The following PTPRG variants were observed in gnomAD, a reference collection of about 807,000 sequenced individuals.
PTPRG encodes the protein protein tyrosine phosphatase receptor type G.
A neutral mutation model predicts 165.3 loss-of-function variants in PTPRG; 102 were observed. That is an observed-to-expected ratio of 0.62 (90% CI 0.53 to 0.73). The LOEUF (loss-of-function observed/expected upper bound fraction) is 0.73. Ranked by LOEUF, PTPRG falls within the 30% of genes least tolerant of loss-of-function variation. PTPRG has a pLI of 0.00. For missense variants in PTPRG, 1,866 were observed against 1,861.4 expected, an observed-to-expected ratio of 1.00 and a Z score of -0.05; for synonymous variants, 675 against 669.5, an observed-to-expected ratio of 1.01 and a Z score of -0.13.
At chr3:61,959,722 A>G (rs1007513902) in intron 2 of PTPRG, among the ~76,000 whole-genome samples, 5 of 152,144 alleles carry the variant, frequency 3.3e-5, no homozygotes, top group Non-Finnish European at 1.5e-5. Flanking sequence ...TCTTTTCAAA[A>G]TTTCTTATGT....
chr3:61,593,723 AG>A (rs1163104302), intron 1 of PTPRG, among the ~76,000 whole-genome samples: 12 of 9,632 alleles, frequency 1.2e-3, no homozygotes, highest in African/African-American at 1.9e-3. Context: ...AAAAAAAAAA[AG>A]AAGAAAAAGC....
At chr3:61,921,308 G>C (rs2039073211) in intron 2 of PTPRG, among the ~76,000 whole-genome samples, 1 of 152,128 alleles carries the variant, frequency 6.6e-6, no homozygotes, top group Admixed American at 6.5e-5. Context: ...AAAATGATGA[G>C]AGAATGAGAA....
intron 5 of PTPRG, among the ~76,000 whole-genome samples, chr3:62,100,051 C>T (rs1702238847): frequency 6.6e-6 from 1 of 151,918 alleles, no homozygotes; most frequent in South Asian, 2.1e-4. Flanking sequence ...CCCACCTTGG[C>T]CTCCCAAAGT....
At chr3:62,046,498 T>C (rs1700297343) in intron 4 of PTPRG, among the ~76,000 whole-genome samples, 1 of 152,186 alleles carries the variant, frequency 6.6e-6, no homozygotes, top group Admixed American at 6.5e-5. Flanking sequence ...ATAGAATTTT[T>C]TCCCAAGTCT....
chr3:62,054,612 A>G (rs1700571916), intron 4 of PTPRG, among the ~76,000 whole-genome samples: 1 of 152,196 alleles, frequency 6.6e-6, no homozygotes, highest in African/African-American at 2.4e-5. Context: ...GCAAGTTAGC[A>G]ATAGAGGTTG....
At chr3:61,717,087 C>T (rs1215601899) in intron 1 of PTPRG, among the ~76,000 whole-genome samples, 1 of 152,144 alleles carries the variant, frequency 6.6e-6, no homozygotes, top group Non-Finnish European at 1.5e-5. Flanking sequence ...TATTGATGCT[C>T]TTGTTTAATT....
intron 2 of PTPRG, among the ~76,000 whole-genome samples, chr3:61,800,371 T>C (rs559469815): frequency 2.6e-5 from 4 of 152,022 alleles, no homozygotes; most frequent in South Asian, 2.1e-4. Context: ...CCCTGAGCAC[T>C]AGTAGAGGAT....
intron 2 of PTPRG, among the ~76,000 whole-genome samples, chr3:61,760,914 A>C (rs187648998): frequency 4.6e-5 from 7 of 152,284 alleles, no homozygotes; most frequent in Non-Finnish European, 1.0e-4. Flanking sequence ...CATCCCTGCA[A>C]AGGATGTGAA....
chr3:62,078,788 T>C (rs1213477698), intron 5 of PTPRG, among the ~76,000 whole-genome samples: 1 of 152,212 alleles, frequency 6.6e-6, no homozygotes, highest in African/African-American at 2.4e-5. Flanking sequence ...ATTGTGTTGA[T>C]GAATGCTCAT....
At chr3:61,886,456 C>T (rs757695699) in intron 2 of PTPRG, among the ~76,000 whole-genome samples, 1 of 152,082 alleles carries the variant, frequency 6.6e-6, no homozygotes, top group South Asian at 2.1e-4. Flanking sequence ...ATGGGGAAAT[C>T]GTTGCACTGA....
chr3:62,255,005 C>A lies in PTPRG; in HGVS notation c.2468-119C>A. Reference sequence around the variant, plus strand: ...TTCAGGACATCTATTTTGTGTGATACAATTATTTTGCTCTTTGCAAAAATC... The same window carrying A: ...TTCAGGACATCTATTTTGTGTGATAAAATTATTTTGCTCTTTGCAAAAATC... On this transcript the variant is annotated intron_variant, in intron 15 of 29. Transcript: ENST00000474889. This position sits in a 1 kb window ranked among gnomAD's most constrained non-coding sequence, Gnocchi z 4.0. 1.3e-6 allele frequency: 1 copy of A among 748,414 alleles called. No individual in the cohort carries two copies. The allele number at this position is 748,414 out of a possible 1,614,324, so 46.4% of individuals were successfully genotyped here.
At chr3:61,787,251 A>G (rs2034733819) in intron 2 of PTPRG, among the ~76,000 whole-genome samples, 1 of 152,224 alleles carries the variant, frequency 6.6e-6, no homozygotes, top group African/African-American at 2.4e-5. Context: ...ATGGCCTTTT[A>G]ATGTTCGTTT....
rs17066334 is a variant in PTPRG at position 62,292,588 on chromosome 3, C to T, written c.4191+32C>T. 6.3e-3 allele frequency: 10,166 copies of T among 1,604,148 alleles called. 298 individuals carry two copies. In the East Asian group the frequency reaches 0.078, roughly 12 times the overall value. On this transcript the variant is annotated intron_variant, in intron 29 of 29. Transcript: ENST00000474889. ...AGTTTGCTTATGTGTAAAACCTGTA[C>T]TACATCAGTTGAAACTCAGACTCAC...
rs372160739 is a variant in PTPRG at position 61,570,098 on chromosome 3, C to G, written c.85+7726C>G. On this transcript the variant is annotated intron_variant, in intron 1 of 29. Transcript: ENST00000474889. ...ATTACTGGGATTCAATTTGGCTCCACTGATGGGAAGCAAACAGTAGTTGGG... is the reference window on the plus strand; with the variant it reads ...ATTACTGGGATTCAATTTGGCTCCAGTGATGGGAAGCAAACAGTAGTTGGG... Among the ~76,000 whole-genome samples, 14 of 152,296 alleles carry G rather than the reference C, an allele frequency of 9.2e-5. 1 individual carries two copies. Among genetic ancestry groups the G allele is most frequent in the African/African-American group, 1.9e-4 (8 of 41,578 alleles).
At chr3:61,987,866 A>C (rs758158296) in intron 2 of PTPRG, among the ~76,000 whole-genome samples, 1 of 151,986 alleles carries the variant, frequency 6.6e-6, no homozygotes. Flanking sequence ...TTTTTCTCCA[A>C]ATATGTAGAT....
At chr3:62,018,758 G>A (rs1398344346) in intron 4 of PTPRG, among the ~76,000 whole-genome samples, 1 of 152,186 alleles carries the variant, frequency 6.6e-6, no homozygotes, top group African/African-American at 2.4e-5. Context: ...AATGTGGGCA[G>A]GTCTACATGA....
At chr3:61,777,253 C>T (rs534507100) in intron 2 of PTPRG, among the ~76,000 whole-genome samples, 1 of 152,198 alleles carries the variant, frequency 6.6e-6, no homozygotes. Context: ...ACAGCAGCTA[C>T]TTGCCACATG....
intron 2 of PTPRG, among the ~76,000 whole-genome samples, chr3:61,755,376 C>T (rs139200152): frequency 1.6e-4 from 24 of 152,294 alleles, no homozygotes; most frequent in East Asian, 1.5e-3. Context: ...AGTCTTCCTC[C>T]ATGTCTCAGC....
chr3:62,156,419 T>C (rs1704539431), intron 6 of PTPRG, among the ~76,000 whole-genome samples: 1 of 152,204 alleles, frequency 6.6e-6, no homozygotes, highest in African/African-American at 2.4e-5. Context: ...ATTTCTTCTG[T>C]TTAAGGGAAG....
Sources: allele counts gnomAD v4.1 joint callset (sites outside exome capture counted in the v4.1 genomes callset), GRCh38; gene constraint gnomAD v4.1.1; non-coding constraint Gnocchi (gnomAD v3.1); transcripts MANE v1.5; gene names NCBI Gene and HGNC (gene_info 2026-07-23, HGNC 2026-07-21).